The following PPP1R9A variants were observed in gnomAD, a reference collection of about 807,000 sequenced individuals.
PPP1R9A encodes the protein protein phosphatase 1 regulatory subunit 9A.
A neutral mutation model predicts 141.9 loss-of-function variants in PPP1R9A; 59 were observed. The ratio of observed to expected loss-of-function variants is 0.42; its 90% CI spans 0.34 to 0.52. The LOEUF is 0.52. Among genes scored for constraint, PPP1R9A ranks in the 20% least tolerant of loss-of-function variants. The pLI is 0.10. For missense variants in PPP1R9A, 1,444 were observed against 1,611.9 expected, an observed-to-expected ratio of 0.90 and a Z score of 1.78; for synonymous variants, 500 against 569.7, an observed-to-expected ratio of 0.88 and a Z score of 1.74.
chr7:95,127,880 T>C (rs896377951), intron 4 of PPP1R9A, among the ~76,000 whole-genome samples: 6 of 152,234 alleles, frequency 3.9e-5, no homozygotes, highest in Non-Finnish European at 8.8e-5. Context: ...TAGTATTCTA[T>C]GGTGCATATG....
intron 2 of PPP1R9A, among the ~76,000 whole-genome samples, chr7:95,009,677 G>T (rs1203970083): frequency 6.6e-6 from 1 of 152,138 alleles, no homozygotes; most frequent in African/African-American, 2.4e-5. Flanking sequence ...AATGTTGTTA[G>T]CCAAGCAACT....
chr7:95,166,100 G>A (rs1831206344), intron 5 of PPP1R9A, among the ~76,000 whole-genome samples: 1 of 141,486 alleles, frequency 7.1e-6, no homozygotes, highest in South Asian at 2.2e-4. Flanking sequence ...AGTGAGCCGA[G>A]ATGCACCATT....
intron 2 of PPP1R9A, among the ~76,000 whole-genome samples, chr7:94,985,232 G>A (rs1005110359): frequency 1.2e-4 from 18 of 152,006 alleles, no homozygotes; most frequent in Admixed American, 3.3e-4. Context: ...CATTTGCTGA[G>A]GAGTGCTTTA....
At chr7:95,055,015 G>C (rs1219376205) in intron 2 of PPP1R9A, among the ~76,000 whole-genome samples, 1 of 152,074 alleles carries the variant, frequency 6.6e-6, no homozygotes, top group Non-Finnish European at 1.5e-5. Flanking sequence ...AGTTATTTTA[G>C]GAAAAAGAAC....
Position 95,279,110 on chromosome 7 carries a change from C to G in PPP1R9A, c.3297-4908C>G, listed in dbSNP as rs1303511929. Among the ~76,000 whole-genome samples, 3 of 152,158 alleles carry G rather than the reference C, an allele frequency of 2.0e-5. No homozygotes were observed. In the East Asian group the frequency reaches 5.8e-4, roughly 29 times the overall value. The stretch of plus-strand genomic sequence containing the variant: ...TATTTTGCTGGCAGTCTTGTTCATC[C>G]AAGGATGACTTTTGTTATATCTTGA... On this transcript the variant is annotated intron_variant, in intron 16 of 19. Transcript: ENST00000433360.
chr7:95,207,757 A>T (rs1791156237), intron 7 of PPP1R9A, among the ~76,000 whole-genome samples: 1 of 152,182 alleles, frequency 6.6e-6, no homozygotes, highest in Non-Finnish European at 1.5e-5. Flanking sequence ...TATTAGAAAT[A>T]ATATAAAGTT....
At chr7:94,967,694 G>A (rs1354243304) in intron 2 of PPP1R9A, among the ~76,000 whole-genome samples, 1 of 152,054 alleles carries the variant, frequency 6.6e-6, no homozygotes, top group East Asian at 1.9e-4. Context: ...GAGTGCAGTG[G>A]TGCGATCCTG....
intron 4 of PPP1R9A, among the ~76,000 whole-genome samples, chr7:95,147,175 C>G (rs1050058453): frequency 6.6e-6 from 1 of 152,088 alleles, no homozygotes; most frequent in African/African-American, 2.4e-5. Context: ...TTTCCTTGAG[C>G]AGTCATTTGT....
At chr7:94,993,190 T>G (rs2151443989) in intron 2 of PPP1R9A, among the ~76,000 whole-genome samples, 1 of 152,170 alleles carries the variant, frequency 6.6e-6, no homozygotes, top group African/African-American at 2.4e-5. Flanking sequence ...AAAATCAGTT[T>G]TTTATATATG....
At chr7:95,065,664 A>G (rs1812841522) in intron 2 of PPP1R9A, among the ~76,000 whole-genome samples, 1 of 152,226 alleles carries the variant, frequency 6.6e-6, no homozygotes, top group Non-Finnish European at 1.5e-5. Flanking sequence ...TCTTCTGCAC[A>G]GACCAAAGTA....
intron 2 of PPP1R9A, among the ~76,000 whole-genome samples, chr7:95,006,895 G>T (rs918685948): frequency 6.7e-6 from 1 of 150,070 alleles, no homozygotes. Flanking sequence ...GGAGTTTCGC[G>T]CTTGTTGCCC....
chr7:95,252,114 A>G lies in PPP1R9A; in HGVS notation c.2649A>G (p.Gln883=). Residue 883 remains glutamine, a synonymous_variant, in exon 12 of 20, where the codon CAA becomes CAG. Coordinates refer to ENST00000433360, the MANE Select transcript of PPP1R9A (RefSeq NM_001166160.2). The stretch of plus-strand genomic sequence containing the variant: ...TGGATGGCAAGCAGACATCTTGCCA[A>G]GATGGCCTAAGTCAAGGTTTGTTTA... ...ENLDGKQTSC[Q]DGLSQDLNEA... 6.3e-7 allele frequency: 1 copy of G among 1,597,684 alleles called. No individual in the cohort carries two copies. The highest frequency in any genetic ancestry group is 1.3e-5 in the African/African-American group (1 of 74,198).
At position 95,288,547 on chromosome 7, in the gene PPP1R9A, T is replaced by G; in HGVS notation, c.3741T>G (p.Asp1247Glu). 1 of 1,613,956 alleles carries G rather than the reference T, an allele frequency of 6.2e-7. No individual in the cohort carries two copies. ...LALSSDEILD[D>E]GQSPKHSQCQ... ...CATTCCTATCTTAGATCCTTGATGATGGACAGTCTCCCAAACACAGTCAGT... is the reference window on the plus strand; with the variant it reads ...CATTCCTATCTTAGATCCTTGATGAGGGACAGTCTCCCAAACACAGTCAGT... Residue 1247 changes from aspartate to glutamate, a missense_variant, in exon 19 of 20, where the codon GAT becomes GAG. This residue lies in a region of PPP1R9A where 459 missense variants were observed against 513.8 expected (regional missense o/e 0.89). Transcript: ENST00000433360.
intron 2 of PPP1R9A, among the ~76,000 whole-genome samples, chr7:94,924,384 G>A (rs1793201254): frequency 1.3e-5 from 2 of 152,204 alleles, no homozygotes; most frequent in African/African-American, 4.8e-5. Flanking sequence ...AGTAGCATTA[G>A]TGAACTGGAG....
intron 12 of PPP1R9A, among the ~76,000 whole-genome samples, chr7:95,266,144 G>A (rs1451691481): frequency 6.6e-6 from 1 of 151,970 alleles, no homozygotes; most frequent in East Asian, 1.9e-4. Context: ...CCTGGATATT[G>A]GGTTCCATAC....
intron 7 of PPP1R9A, among the ~76,000 whole-genome samples, chr7:95,208,960 A>AAAAAAAAAAAAAAAAAAAAAC (rs1791476159): frequency 6.8e-6 from 1 of 148,050 alleles, no homozygotes; most frequent in Non-Finnish European, 1.5e-5. Context: ...CAAAACTAAA[A>AAAAAAAAAAAAAAAAAAAAAC]AAAAAAAAAA....
intron 2 of PPP1R9A, among the ~76,000 whole-genome samples, chr7:95,013,842 A>G (rs1300985873): frequency 1.3e-5 from 2 of 152,044 alleles, no homozygotes; most frequent in Middle Eastern, 3.2e-3. Flanking sequence ...TTTTCTCTTT[A>G]CTTTTCTAAC....
chr7:94,920,477 T>C (rs1335678471), intron 2 of PPP1R9A, among the ~76,000 whole-genome samples: 1 of 152,200 alleles, frequency 6.6e-6, no homozygotes, highest in African/African-American at 2.4e-5. Context: ...GGAAATTTTA[T>C]ATTTTAGGAG....
At chr7:94,928,345 G>A (rs1015810331) in intron 2 of PPP1R9A, among the ~76,000 whole-genome samples, 7 of 152,218 alleles carry the variant, frequency 4.6e-5, no homozygotes, top group Non-Finnish European at 8.8e-5. Flanking sequence ...GGGAGTCATT[G>A]AATAATTTAA....
Sources: allele counts gnomAD v4.1 joint callset (sites outside exome capture counted in the v4.1 genomes callset), GRCh38; gene constraint gnomAD v4.1.1; regional missense constraint gnomAD v4.1.1; transcripts MANE v1.5; gene names NCBI Gene and HGNC (gene_info 2026-07-23, HGNC 2026-07-21).